Variants in IQSEC1 observed in about 807,000 individuals in gnomAD.
IQSEC1 encodes the protein IQ motif and SEC7 domain-containing protein 1.
In IQSEC1, 31 loss-of-function variants were observed where a neutral mutation model predicts 91.0. That is an observed-to-expected ratio of 0.34 (90% confidence interval 0.26 to 0.46). IQSEC1 has a LOEUF of 0.46. IQSEC1 is among the 20% of genes least tolerant of loss of function. The pLI, the probability that IQSEC1 is intolerant of heterozygous loss-of-function variation, is 1.00. For synonymous variants in IQSEC1, 699 were observed against 662.6 expected (o/e 1.05, Z -0.84); for missense variants, 1,388 against 1,575.6 (o/e 0.88, Z 2.02).
intron 2 of IQSEC1, among the ~76,000 whole-genome samples, chr3:13,144,278 C>T (rs552068559): frequency 4.5e-4 from 68 of 152,318 alleles, no homozygotes; most frequent in African/African-American, 1.4e-3. Context: ...ACTGCACGCC[C>T]GGGCTCTGGC....
rs114936785 is a variant in IQSEC1, at chr3:13,082,715, T to C, written c.303-35193A>G. On this transcript the variant is annotated intron_variant, in intron 2 of 15. Coordinates refer to the IQSEC1 transcript ENST00000648114. ...ATCTATTTAACCTGAAACCTGACCA[T>C]GTCGTAGCTCTGGTTCCAACCCAGT... 2.6e-3 allele frequency among the ~76,000 whole-genome samples: 390 copies of C among 152,314 alleles called. 2 individuals carry two copies. Among genetic ancestry groups the C allele is most frequent in the African/African-American group, 8.9e-3 (370 of 41,570 alleles).
At chr3:12,941,457 C>T (rs1291178924) in intron 2 of IQSEC1, 114 bp downstream of exon 2, 3 of 1,087,756 alleles carry the variant, frequency 2.8e-6, no homozygotes, top group African/African-American at 1.6e-5. Flanking sequence ...AGCCCACATG[C>T]ACCCCAACTC....
At chr3:13,153,096 C>G (rs1707027576) in intron 2 of IQSEC1, among the ~76,000 whole-genome samples, 1 of 150,542 alleles carries the variant, frequency 6.6e-6, no homozygotes, top group Non-Finnish European at 1.5e-5. Context: ...CCCTCCTTCT[C>G]CCCTCTCCCC....
intron 2 of IQSEC1, among the ~76,000 whole-genome samples, chr3:13,081,099 G>A (rs755295501): frequency 4.6e-5 from 7 of 152,078 alleles, no homozygotes; most frequent in Non-Finnish European, 7.4e-5. Flanking sequence ...TGATGACTGC[G>A]TAAAAAAAAG....
intron 2 of IQSEC1, among the ~76,000 whole-genome samples, chr3:12,937,669 C>G (rs1247732865): frequency 1.3e-5 from 2 of 152,240 alleles, no homozygotes; most frequent in African/African-American, 4.8e-5. Context: ...CTGTGGTGAG[C>G]CTGGGAGACA....
intron 1 of IQSEC1, among the ~76,000 whole-genome samples, chr3:13,020,290 A>C (rs1440033862): frequency 6.6e-6 from 1 of 151,798 alleles, no homozygotes; most frequent in African/African-American, 2.4e-5. Context: ...CCGCTGACTC[A>C]CTCCAGGGCT....
intron 1 of IQSEC1, among the ~76,000 whole-genome samples, chr3:13,266,054 C>T (rs1357143522): frequency 6.6e-6 from 1 of 151,872 alleles, no homozygotes; most frequent in Non-Finnish European, 1.5e-5. Context: ...ATGATCATGA[C>T]CGAGGTCCAC....
chr3:13,023,715 C>A (rs1703497932), intron 1 of IQSEC1, among the ~76,000 whole-genome samples: 1 of 152,220 alleles, frequency 6.6e-6, no homozygotes, highest in South Asian at 2.1e-4. Flanking sequence ...CAGGCTTCTC[C>A]ATCCCCTGAG....
Position 12,909,307 on chromosome 3 carries a change from C to T in IQSEC1, c.2544G>A (p.Ala848=), listed in dbSNP as rs141751322. ...KFTDDLRESI[A]EVQEMEKHRI... ...TGTGCTTCTCCATCTCTTGGACTTCCGCAATGGACTCCCGCAGGTCATCGG... is the reference window on the plus strand; with the variant it reads ...TGTGCTTCTCCATCTCTTGGACTTCTGCAATGGACTCCCGCAGGTCATCGG... The change falls in exon 11 of 14, where the codon GCG becomes GCA. Residue 848 remains alanine, a synonymous_variant. Transcript: ENST00000613206. The surrounding 1 kb of genome is among the most constrained non-coding windows in gnomAD (Gnocchi z 4.9). The T allele has an allele frequency of 2.6e-4, 426 of 1,614,208 alleles. No homozygotes were observed. The highest frequency in any genetic ancestry group is 3.3e-4 in the Non-Finnish European group (394 of 1,180,020).
chr3:12,901,207 G>T lies in IQSEC1; in HGVS notation c.3121C>A (p.His1041Asn). Residue 1041 changes from histidine (H) to asparagine (N), a missense_variant, in exon 14 of 14, where the codon CAC becomes AAC. His to Asn is a moderately conservative substitution (Grantham distance 68). This residue lies in a region of IQSEC1 where 329 missense variants were observed against 257.8 expected (regional missense o/e 1.28). Coordinates refer to ENST00000613206, the MANE Select transcript of IQSEC1 (RefSeq NM_001134382.3). Reference protein sequence around the residue: ...YCHMQNPPPYHHHHHHHPPQH... With the variant: ...YCHMQNPPPYNHHHHHHPPQH... The stretch of plus-strand genomic sequence containing the variant: ...GGTGGGTGGTGGTGGTGGTGATGGT[G>T]GTACGGGGGAGGGTTCTGCATGTGG... 1 of 1,546,632 alleles carries T rather than the reference G, an allele frequency of 6.5e-7. No homozygotes were observed. Among genetic ancestry groups the T allele is most frequent in the South Asian group, 1.2e-5 (1 of 83,754 alleles).
chr3:13,160,595 G>A (rs1162641819), intron 2 of IQSEC1, among the ~76,000 whole-genome samples: 1 of 152,264 alleles, frequency 6.6e-6, no homozygotes. Context: ...TTTAGTGAGT[G>A]TTTGGTAAGG....
At chr3:13,277,106 T>TAAAAAAAAA (rs4034193) in intron 1 of IQSEC1, among the ~76,000 whole-genome samples, 26 of 35,992 alleles carry the variant, frequency 7.2e-4, no homozygotes, top group African/African-American at 1.1e-3. Context: ...TGCTCCTCCT[T>TAAAAAAAAA]AAAAAAAAAA....
At chr3:12,939,741 C>T (rs1698578271) in intron 2 of IQSEC1, among the ~76,000 whole-genome samples, 1 of 152,324 alleles carries the variant, frequency 6.6e-6, no homozygotes, top group East Asian at 1.9e-4. Flanking sequence ...ACAGCCAGCT[C>T]TAATGCCTCC....
intron 1 of IQSEC1, among the ~76,000 whole-genome samples, chr3:13,176,600 C>T (rs1035250182): frequency 2.0e-5 from 3 of 152,188 alleles, no homozygotes; most frequent in African/African-American, 4.8e-5. Flanking sequence ...CAGGGTGCAG[C>T]CCTCTCAGCA....
chr3:13,017,958 C>T (rs938317798), intron 1 of IQSEC1, among the ~76,000 whole-genome samples: 13 of 152,220 alleles, frequency 8.5e-5, no homozygotes, highest in East Asian at 7.7e-4. Context: ...GTCCAGAAGG[C>T]GTGGGTGGGG....
At chr3:13,229,807 TC>T (rs1576302971) in intron 1 of IQSEC1, among the ~76,000 whole-genome samples, 3 of 152,356 alleles carry the variant, frequency 2.0e-5, no homozygotes, top group African/African-American at 7.2e-5. Context: ...TCTAGAGGGC[TC>T]TGCCTAGACA....
intron 1 of IQSEC1, among the ~76,000 whole-genome samples, chr3:12,988,410 A>C (rs528452814): frequency 1.4e-4 from 22 of 152,152 alleles, no homozygotes; most frequent in Non-Finnish European, 2.2e-4. Context: ...GCGAGGCTCT[A>C]TCTCAAAAAA....
At chr3:13,140,301 C>G (rs941207234) in intron 2 of IQSEC1, among the ~76,000 whole-genome samples, 2 of 152,198 alleles carry the variant, frequency 1.3e-5, no homozygotes, top group African/African-American at 4.8e-5. Flanking sequence ...CAGATTCACG[C>G]TGTCACCTCC....
At chr3:13,096,929 C>T (rs555274470) in intron 2 of IQSEC1, among the ~76,000 whole-genome samples, 25 of 150,814 alleles carry the variant, frequency 1.7e-4, no homozygotes, top group South Asian at 1.0e-3. Flanking sequence ...GGCGCGATCT[C>T]GGCTCACTGC....
Sources: gnomAD v4.1 joint callset for allele counts (sites outside exome capture counted in the v4.1 genomes callset) on GRCh38, gnomAD v4.1.1 for gene constraint, gnomAD v4.1.1 regional missense constraint, Gnocchi (gnomAD v3.1) non-coding constraint, MANE v1.5 for transcripts, NCBI Gene and HGNC (gene_info 2026-07-23, HGNC 2026-07-21) for gene names.